PLIN5: variants seen among roughly 807,000 people sequenced by gnomAD.
PLIN5 encodes the protein perilipin-5.
PLIN5 carries 34 observed loss-of-function variants against 32.8 expected under a neutral mutation model. The observed-to-expected ratio is 1.04, with a 90% CI of 0.79 to 1.38. The LOEUF (loss-of-function observed/expected upper bound fraction) is 1.38, where lower values mean the gene tolerates loss of function less well. Among genes scored for constraint, PLIN5 ranks in the 40% most tolerant of loss-of-function variants. The pLI, the probability that PLIN5 is intolerant of heterozygous loss-of-function variation, is 0.00. For missense variants in PLIN5, 712 were observed against 660.5 expected (o/e 1.08, Z -0.85); for synonymous variants, 309 against 292.9 (o/e 1.05, Z -0.56).
intron 2 of PLIN5, chr19:4,533,648 A>G: frequency 2.3e-6 from 1 of 431,844 alleles, no homozygotes; most frequent in Admixed American, 3.9e-5. Context: ...AATATACATG[A>G]AACGGTTGGA....
At position 4,529,234 on chromosome 19, in the gene PLIN5, T is replaced by TC; in HGVS notation, c.358dup (p.Asp120GlyfsTer60). ...ACCCGTGACACTGCTGGCCACCACG[T>TC]CCTTGGCTGAGGTCACCACCTGGAA... On this transcript the variant is annotated frameshift_variant, in exon 5 of 8. Coordinates refer to ENST00000381848, the MANE Select transcript of PLIN5 (RefSeq NM_001013706.3). LOFTEE classifies it high-confidence loss of function. 1 of 1,607,822 alleles carries TC rather than the reference T, an allele frequency of 6.2e-7. No homozygotes were observed. Among genetic ancestry groups the TC allele is most frequent in the Non-Finnish European group, 8.5e-7 (1 of 1,176,894 alleles).
chr19:4,533,125 C>T (rs1297281734), intron 2 of PLIN5: 16 of 148,302 alleles, frequency 1.1e-4, no homozygotes, highest in African/African-American at 3.3e-4. Flanking sequence ...GATGGAGTCT[C>T]GTTCTTGTTA....
chr19:4,534,875 C>T (rs957323605), intron 1 of PLIN5, among the ~76,000 whole-genome samples: 1 of 152,204 alleles, frequency 6.6e-6, no homozygotes, highest in African/African-American at 2.4e-5. Flanking sequence ...GCAGCAGGTC[C>T]ATGCTGGTCC....
chr19:4,530,754 C>T (rs368307910), intron 3 of PLIN5, among the ~76,000 whole-genome samples: 231 of 152,196 alleles, frequency 1.5e-3, no homozygotes, highest in African/African-American at 5.1e-3. Context: ...CTTGCTGCAT[C>T]CCCTGCCTCC....
intron 5 of PLIN5, among the ~76,000 whole-genome samples, chr19:4,526,455 C>T (rs1232375969): frequency 6.6e-6 from 1 of 152,164 alleles, no homozygotes; most frequent in Non-Finnish European, 1.5e-5. Flanking sequence ...CTCCTGAGCT[C>T]AATTGATCCG....
chr19:4,524,509 G>A (rs544483343), intron 7 of PLIN5, among the ~76,000 whole-genome samples: 2 of 152,270 alleles, frequency 1.3e-5, no homozygotes, highest in African/African-American at 2.4e-5. Context: ...CTGAGATCGC[G>A]CCACTGCACT....
At chr19:4,529,756 G>C in intron 4 of PLIN5, 28 bp downstream of exon 4, 1 of 1,594,942 alleles carries the variant, frequency 6.3e-7, no homozygotes. Context: ...CCCCACTGGA[G>C]GTCCCCATGT....
At chr19:4,529,542 ACG>A (rs1491273554) in intron 4 of PLIN5, 1 of 462,014 alleles carries the variant, frequency 2.2e-6, no homozygotes, top group African/African-American at 4.0e-5. Flanking sequence ...ATATACTTAT[ACG>A]TATATATACA....
Position 4,531,810 on chromosome 19 carries a change from G to T in PLIN5, c.73C>A (p.Arg25Ser). The T allele has an allele frequency of 6.4e-7, 1 of 1,559,700 alleles. No homozygotes were observed. The highest frequency in any genetic ancestry group is 8.7e-7 in the Non-Finnish European group (1 of 1,152,378). Reference sequence around the variant, plus strand: ...CTGACCAGGGGCAGAGCCACCACACGCTGCACCACGTTCTGCGGGAAGGGT... The same window carrying T: ...CTGACCAGGGGCAGAGCCACCACACTCTGCACCACGTTCTGCGGGAAGGGT... ...WEQDQQNVVQRVVALPLVRAT... is the reference protein window; with the variant it reads ...WEQDQQNVVQSVVALPLVRAT... The change falls in exon 3 of 8, where the codon CGT becomes AGT. Residue 25 changes from arginine (R) to serine (S), a missense_variant. Transcript: ENST00000381848.
At position 4,524,147 on chromosome 19, in the gene PLIN5, C is replaced by G. The variant is rs895931532; in HGVS notation, c.835-62G>C. ...GCCCAGGAGGACTGCTGTCCTGCCTCGGTTTCTCTGATGGACCCACAGTGG... is the reference window on the plus strand; with the variant it reads ...GCCCAGGAGGACTGCTGTCCTGCCTGGGTTTCTCTGATGGACCCACAGTGG... On this transcript the variant is annotated intron_variant, in intron 7 of 7. Coordinates refer to ENST00000381848, the MANE Select transcript of PLIN5 (RefSeq NM_001013706.3). 6.1e-5 allele frequency: 84 copies of G among 1,370,738 alleles called. 1 individual carries two copies. In the Admixed American group the frequency reaches 2.4e-3, roughly 39 times the overall value. The allele number at this position is 1,370,738 out of a possible 1,614,324, so 84.9% of individuals were successfully genotyped here. A position where few individuals can be genotyped will look rare whatever the true frequency, so the allele number is the denominator to read the frequency against.
Position 4,529,259 on chromosome 19 carries a change from A to C in PLIN5, c.340-6T>G, listed in dbSNP as rs770456467. 1.3e-5 allele frequency: 20 copies of C among 1,594,228 alleles called. 1 individual carries two copies. The highest frequency in any genetic ancestry group is 3.4e-5 in the Admixed American group (2 of 58,194). On this transcript the variant is annotated splice_polypyrimidine_tract_variant and splice_region_variant and intron_variant, in intron 4 of 7. Transcript: ENST00000381848. ...TCCTTGGCTGAGGTCACCACCTGGA[A>C]GGAAGGGCCCCCCCACTCCAGGCAC...
chr19:4,531,071 GC>G (rs1976878290), intron 3 of PLIN5, among the ~76,000 whole-genome samples: 2 of 151,774 alleles, frequency 1.3e-5, no homozygotes, highest in Admixed American at 1.3e-4. Context: ...TGCGGTCTTG[GC>G]TGACTGCAAC....
rs1976767509 is a variant in PLIN5, at chr19:4,524,000, C to A, written c.920G>T (p.Gly307Val). The A allele has an allele frequency of 6.6e-7, 1 of 1,521,586 alleles. No individual in the cohort carries two copies. 94.3% of individuals were successfully genotyped at this position (1,521,586 alleles called of 1,614,324 possible). Reference protein sequence around the residue: ...TVEALESSVRGLPAGAQEKVA... With the variant: ...TVEALESSVRVLPAGAQEKVA... ...CTTCTCCTGGGCGCCGGCGGGCAGG[C>A]CCCGCACGCTGGACTCCAGAGCCTC... is the stretch of plus-strand genomic sequence containing the variant. The change falls in exon 8 of 8, where the codon GGC (glycine) becomes GTC (valine). Residue 307 changes from glycine (G) to valine (V), a missense_variant. Gly to Val is a moderately radical substitution (Grantham distance 109). Transcript: ENST00000381848. The surrounding 1 kb of genome is among the most constrained non-coding windows in gnomAD (Gnocchi z 5.0).
chr19:4,534,571 A>G (rs1049975924), intron 1 of PLIN5, among the ~76,000 whole-genome samples: 2 of 152,060 alleles, frequency 1.3e-5, no homozygotes, highest in Non-Finnish European at 2.9e-5. Flanking sequence ...GGGTTTCGCC[A>G]TGTTGCCCAG....
rs947593254 is a variant in PLIN5 at position 4,524,058 on chromosome 19, G to A, written c.862C>T (p.Arg288Cys). Residue 288 changes from arginine (R) to cysteine (C), a missense_variant, in exon 8 of 8, where the codon CGC becomes TGC. By Grantham distance (180) the Arg-to-Cys change is radical. Transcript: ENST00000381848. ...QAELETLVLS[R>C]SLTQELQGTV... Reference sequence around the variant, plus strand: ...CCCTGCAGCTCCTGGGTCAGGCTGCGGGACAGCACCAGCGTCTCCAGCTCT... The same window carrying A: ...CCCTGCAGCTCCTGGGTCAGGCTGCAGGACAGCACCAGCGTCTCCAGCTCT... 71 of 1,458,466 alleles carry A rather than the reference G, an allele frequency of 4.9e-5. No homozygotes were observed. Among genetic ancestry groups the A allele is most frequent in the South Asian group, 1.1e-4 (8 of 73,090 alleles). 90.3% of individuals were successfully genotyped at this position (1,458,466 alleles called of 1,614,324 possible). A position where few individuals can be genotyped will look rare whatever the true frequency, so the allele number is the denominator to read the frequency against.
chr19:4,529,879 A>G lies in PLIN5; in HGVS notation c.257-13T>C, dbSNP rs773084796. On this transcript the variant is annotated splice_polypyrimidine_tract_variant and intron_variant, in intron 3 of 7. Transcript: ENST00000381848. Reference sequence around the variant, plus strand: ...TTCATAGTGGCCACTGAAGGGAGAGAGGCGGGGAGTGAGACTCGGGGAGAC... The same window carrying G: ...TTCATAGTGGCCACTGAAGGGAGAGGGGCGGGGAGTGAGACTCGGGGAGAC... 69 of 1,575,792 alleles carry G rather than the reference A, an allele frequency of 4.4e-5. No homozygotes were observed. The highest frequency in any genetic ancestry group is 5.8e-5 in the Non-Finnish European group (67 of 1,153,092).
rs946352501 is a variant in PLIN5, at chr19:4,531,949, C to T, written c.61-127G>A. 1.7e-5 allele frequency: 16 copies of T among 940,924 alleles called. No homozygotes were observed. Among genetic ancestry groups the T allele is most frequent in the Middle Eastern group, 3.4e-4 (1 of 2,976 alleles). The allele number at this position is 940,924 out of a possible 1,614,324, so 58.3% of individuals were successfully genotyped here. On this transcript the variant is annotated intron_variant, in intron 2 of 7. Coordinates refer to ENST00000381848, the MANE Select transcript of PLIN5 (RefSeq NM_001013706.3). ...TGGAAGGATGGAGTACTGAGCACCC[C>T]GCCACGTAGAGGCAGTGAAGATAAA...
In PLIN5 at chr19:4,523,073, C is replaced by T. The variant is rs1264279635; in HGVS notation, c.*455G>A. 1 of 139,878 alleles carries T rather than the reference C, an allele frequency of 7.1e-6. No individual in the cohort carries two copies. Among genetic ancestry groups the T allele is most frequent in the East Asian group, 2.0e-4 (1 of 4,896 alleles). The allele number at this position is 139,878 out of a possible 1,614,324, so 8.7% of individuals were successfully genotyped here. Reference sequence around the variant, plus strand: ...GGGACTACAGGTGCACACCACCACACCTGGCTTTTTTTTTTTTTTTCTTTC... The same window carrying T: ...GGGACTACAGGTGCACACCACCACATCTGGCTTTTTTTTTTTTTTTCTTTC... On this transcript the variant is annotated 3_prime_UTR_variant, in exon 8 of 8. Coordinates refer to ENST00000381848, the MANE Select transcript of PLIN5 (RefSeq NM_001013706.3). This position sits in a 1 kb window ranked among gnomAD's most constrained non-coding sequence, Gnocchi z 5.0.
At position 4,524,957 on chromosome 19, in the gene PLIN5, T is replaced by A; in HGVS notation, c.834+6A>T. ...ACCACCTCACCTGGCACTCCTGCGG[T>A]CTCACCTGGCTCCGGCGGCGGCTCT... On this transcript the variant is annotated splice_donor_region_variant and intron_variant, in intron 7 of 7. Coordinates refer to ENST00000381848, the MANE Select transcript of PLIN5 (RefSeq NM_001013706.3). 6.5e-7 allele frequency: 1 copy of A among 1,530,748 alleles called. No individual in the cohort carries two copies. Among genetic ancestry groups the A allele is most frequent in the Non-Finnish European group, 8.8e-7 (1 of 1,138,968 alleles). 94.8% of individuals were successfully genotyped at this position (1,530,748 alleles called of 1,614,324 possible). A position where few individuals can be genotyped will look rare whatever the true frequency, so the allele number is the denominator to read the frequency against.
Sources: gnomAD v4.1 joint callset for allele counts (sites outside exome capture counted in the v4.1 genomes callset) on GRCh38, gnomAD v4.1.1 for gene constraint, Gnocchi (gnomAD v3.1) non-coding constraint, MANE v1.5 for transcripts, NCBI Gene and HGNC (gene_info 2026-07-23, HGNC 2026-07-21) for gene names.